CMSS1: variants seen among roughly 807,000 people sequenced by gnomAD.
CMSS1 encodes the protein cms1 ribosomal small subunit homolog.
Under a neutral mutation model 43.5 loss-of-function variants are expected in CMSS1, and 33 were observed. The observed-to-expected ratio is 0.76, with a 90% confidence interval of 0.57 to 1.01. CMSS1 has a LOEUF of 1.01. CMSS1 is among the 50% of genes least tolerant of loss of function. CMSS1 has a pLI of 0.00. For missense variants in CMSS1, 313 were observed against 326.4 expected, an observed-to-expected ratio of 0.96 and a Z score of 0.32; for synonymous variants, 115 against 117.2, an observed-to-expected ratio of 0.98 and a Z score of 0.12.
chr3:99,848,399 G>C (rs755330466), intron 1 of CMSS1: 2 of 1,614,156 alleles, frequency 1.2e-6, no homozygotes, highest in South Asian at 2.2e-5. Context: ...ATTAAGCCTT[G>C]AGTTCGGTTA....
intron 1 of CMSS1, chr3:99,848,064 T>C: frequency 7.7e-7 from 1 of 1,299,772 alleles, no homozygotes; most frequent in African/African-American, 1.5e-5. Context: ...ATATTTTCCA[T>C]ACAAGTATGT....
chr3:100,161,255 T>C (rs1233430467), intron 3 of CMSS1, among the ~76,000 whole-genome samples: 3 of 152,210 alleles, frequency 2.0e-5, no homozygotes, highest in African/African-American at 4.8e-5. Context: ...AGAGTGTGTG[T>C]GCATATGTTT....
intron 1 of CMSS1, among the ~76,000 whole-genome samples, chr3:100,058,963 C>G (rs1174750375): frequency 6.6e-6 from 1 of 152,190 alleles, no homozygotes; most frequent in Non-Finnish European, 1.5e-5. Flanking sequence ...GCATTTGGTG[C>G]AAGTTCAGGA....
chr3:99,883,115 C>T (rs150796813), intron 1 of CMSS1, among the ~76,000 whole-genome samples: 2,400 of 152,264 alleles, frequency 0.016, 58 homozygotes, highest in African/African-American at 0.054. Context: ...CTTGTGTCTA[C>T]GCTTAGATTG....
At chr3:100,102,251 T>A (rs1158468327) in intron 1 of CMSS1, among the ~76,000 whole-genome samples, 1 of 152,198 alleles carries the variant, frequency 6.6e-6, no homozygotes. Context: ...TGTAAAAGTG[T>A]TCCTATTTCT....
At chr3:99,905,781 A>G (rs1250629921) in intron 1 of CMSS1, among the ~76,000 whole-genome samples, 2 of 152,216 alleles carry the variant, frequency 1.3e-5, no homozygotes, top group South Asian at 2.1e-4. Context: ...GACTGCATGC[A>G]TGTGGACTCT....
At chr3:100,007,610 GGC>G (rs1283287814) in intron 1 of CMSS1, among the ~76,000 whole-genome samples, 2 of 152,100 alleles carry the variant, frequency 1.3e-5, no homozygotes, top group Middle Eastern at 6.3e-3. Context: ...GCCCAGAATT[GGC>G]CCAGAAAGTG....
intron 1 of CMSS1, among the ~76,000 whole-genome samples, chr3:99,974,238 A>G (rs1708903254): frequency 6.6e-6 from 1 of 152,216 alleles, no homozygotes; most frequent in South Asian, 2.1e-4. Context: ...TCTTAGCTGA[A>G]TAGGGTGCCA....
chr3:99,849,171 G>A (rs571128891), intron 1 of CMSS1: 44 of 1,613,954 alleles, frequency 2.7e-5, no homozygotes, highest in East Asian at 4.5e-5. Flanking sequence ...TAGGGTCCTC[G>A]TCTTGATTCT....
chr3:100,074,305 G>A (rs1576023074), intron 1 of CMSS1, among the ~76,000 whole-genome samples: 1 of 152,100 alleles, frequency 6.6e-6, no homozygotes. Context: ...AAAGGTTTCC[G>A]TTGCTGAATC....
intron 1 of CMSS1, chr3:99,850,086 A>G (rs763948053): frequency 1.2e-6 from 2 of 1,612,878 alleles, no homozygotes; most frequent in Admixed American, 3.3e-5. Context: ...TTGTTACTTT[A>G]TTTTGCTCCA....
chr3:99,818,194 AG>A (rs1283958825), intron 1 of CMSS1, 151 bp downstream of exon 1: 4 of 680,548 alleles, frequency 5.9e-6, no homozygotes, highest in Non-Finnish European at 1.0e-5. Context: ...AAATGGTGCA[AG>A]AGATTCTTTA....
At position 99,880,751 on chromosome 3, in the gene CMSS1, A is replaced by C. The variant is rs1213829739; in HGVS notation, c.64+62708A>C. ...AATTTGGAAAATGCATAAAAGTAAAAAATTTTACATGTAGTCCTACCACAT... is the reference window on the plus strand; with the variant it reads ...AATTTGGAAAATGCATAAAAGTAAACAATTTTACATGTAGTCCTACCACAT... On this transcript the variant is annotated intron_variant, in intron 1 of 9. Coordinates refer to ENST00000421999, the MANE Select transcript of CMSS1 (RefSeq NM_032359.4). 2.6e-5 allele frequency among the ~76,000 whole-genome samples: 4 copies of C among 152,280 alleles called. No individual in the cohort carries two copies. The East Asian group carries it at 7.7e-4, about 29-fold the overall frequency.
rs376775033 is a variant in CMSS1, at chr3:99,848,737, G to C, written c.64+30694G>C. On this transcript the variant is annotated intron_variant, in intron 1 of 9. Coordinates refer to ENST00000421999, the MANE Select transcript of CMSS1 (RefSeq NM_032359.4). ...CTCTGGGGTCTGTGCTCTGGCAAAG[G>C]TTGCCATGGTAATTGGGGACATGCC... 7.4e-6 allele frequency: 12 copies of C among 1,614,040 alleles called. No individual in the cohort carries two copies. The African/African-American group carries it at 8.0e-5, about 11-fold the overall frequency.
At chr3:99,938,653 G>A (rs1707765250) in intron 1 of CMSS1, among the ~76,000 whole-genome samples, 1 of 152,028 alleles carries the variant, frequency 6.6e-6, no homozygotes, top group South Asian at 2.1e-4. Flanking sequence ...AAGATTATGG[G>A]GTTCTCAGCA....
chr3:100,117,597 C>T (rs2066581463), intron 1 of CMSS1, among the ~76,000 whole-genome samples: 1 of 151,598 alleles, frequency 6.6e-6, no homozygotes, highest in Non-Finnish European at 1.5e-5. Flanking sequence ...TAAAGTGTGG[C>T]TAATTCAAAT....
chr3:100,149,698 C>T (rs2066886228), intron 2 of CMSS1, among the ~76,000 whole-genome samples: 1 of 152,142 alleles, frequency 6.6e-6, no homozygotes, highest in African/African-American at 2.4e-5. Context: ...CCTGCTTATC[C>T]CCAGGAGACT....
intron 1 of CMSS1, among the ~76,000 whole-genome samples, chr3:99,828,507 AGT>A (rs1410149914): frequency 6.8e-6 from 1 of 145,996 alleles, no homozygotes; most frequent in East Asian, 2.0e-4. Context: ...TCTGGAGTGC[AGT>A]GGTGTGATCA....
intron 1 of CMSS1, among the ~76,000 whole-genome samples, chr3:100,028,900 CAA>C (rs1224338204): frequency 6.6e-6 from 1 of 152,146 alleles, no homozygotes; most frequent in Non-Finnish European, 1.5e-5. Flanking sequence ...GTAACACACA[CAA>C]AGACACACAC....
Sources: gnomAD v4.1 joint callset for allele counts (sites outside exome capture counted in the v4.1 genomes callset) on GRCh38, gnomAD v4.1.1 for gene constraint, MANE v1.5 for transcripts, NCBI Gene and HGNC (gene_info 2026-07-23, HGNC 2026-07-21) for gene names.